TTYH2: variants seen among roughly 807,000 people sequenced by gnomAD.
The protein encoded by TTYH2 is tweety family member 2.
A neutral mutation model predicts 68.3 loss-of-function variants in TTYH2; 49 were observed. That is an observed-to-expected ratio of 0.72 (90% CI 0.57 to 0.91). The LOEUF is 0.91. TTYH2 is among the 40% of genes least tolerant of loss of function. The pLI, the probability that TTYH2 is intolerant of heterozygous loss-of-function variation, is 0.00. For synonymous variants in TTYH2, 272 were observed against 300.8 expected (o/e 0.90, Z 0.99); for missense variants, 631 against 700.4 (o/e 0.90, Z 1.12).
Position 74,213,598 on chromosome 17 carries a change from C to T in TTYH2, c.11C>T (p.Ala4Val). 6.2e-7 allele frequency: 1 copy of T among 1,610,430 alleles called. No homozygotes were observed. The highest frequency in any genetic ancestry group is 8.5e-7 in the Non-Finnish European group (1 of 1,178,878). The change falls in exon 1 of 14, where the codon GCG becomes GTG. Residue 4 changes from alanine (A) to valine (V), a missense_variant. Physicochemically the swap from Ala to Val is moderately conservative, Grantham distance 64. Coordinates refer to ENST00000269346, the MANE Select transcript of TTYH2 (RefSeq NM_032646.6). The surrounding 1 kb of genome is among the most constrained non-coding windows in gnomAD (Gnocchi z 6.1). ...CACTCGGGCCGAGCCATGCAGGCGG[C>T]GCGCGTGGACTACATCGCTCCCTGG... MQAARVDYIAPWWV... is the reference protein window; with the variant it reads MQAVRVDYIAPWWV...
In TTYH2 at chr17:74,241,922, A is replaced by T. The variant is rs1342768962; in HGVS notation, c.636-1452A>T. Among the ~76,000 whole-genome samples, 1 of 152,188 alleles carries T rather than the reference A, an allele frequency of 6.6e-6. No individual in the cohort carries two copies. The highest frequency in any genetic ancestry group is 1.5e-5 in the Non-Finnish European group (1 of 68,034). On this transcript the variant is annotated intron_variant, in intron 4 of 13. Coordinates refer to ENST00000269346, the MANE Select transcript of TTYH2 (RefSeq NM_032646.6). The surrounding 1 kb of genome is among the most constrained non-coding windows in gnomAD (Gnocchi z 4.1). ...GTGTGGAAGGGAAAGGAACGAGGGC[A>T]CTTTGTTTGGGGTCTTCTCAGTGTC... is the stretch of plus-strand genomic sequence containing the variant.
At chr17:74,250,641 C>T in intron 10 of TTYH2, 1 of 346,504 alleles carries the variant, frequency 2.9e-6, no homozygotes, top group Admixed American at 4.4e-5. Flanking sequence ...GAGGCTGTTC[C>T]CCATTGTCCA....
chr17:74,219,178 C>T (rs943221527), intron 1 of TTYH2, among the ~76,000 whole-genome samples: 2 of 150,594 alleles, frequency 1.3e-5, no homozygotes, highest in Non-Finnish European at 2.9e-5. Context: ...GATCACGCTG[C>T]TGCACTCCAG....
intron 3 of TTYH2, 75 bp downstream of exon 3, chr17:74,231,074 C>A: frequency 7.4e-7 from 1 of 1,345,598 alleles, no homozygotes; most frequent in Admixed American, 1.7e-5. Context: ...GGGCCCCCGT[C>A]AGATCCCAGC....
rs1460786091 is a variant in TTYH2, at chr17:74,217,734, C to A, written c.129+4018C>A. 6.6e-6 allele frequency among the ~76,000 whole-genome samples: 1 copy of A among 152,206 alleles called. No homozygotes were observed. The highest frequency in any genetic ancestry group is 1.5e-5 in the Non-Finnish European group (1 of 68,038). ...TGTCTTCTGGGGCCAGGGCTGTTGC[C>A]CCCTCCCCTGCCCAGTGCAGAAGCC... is the stretch of plus-strand genomic sequence containing the variant. On this transcript the variant is annotated intron_variant, in intron 1 of 13. Coordinates refer to ENST00000269346, the MANE Select transcript of TTYH2 (RefSeq NM_032646.6). The surrounding 1 kb of genome is among the most constrained non-coding windows in gnomAD (Gnocchi z 4.0).
rs148777017 is a variant in TTYH2 at position 74,253,774 on chromosome 17, G to T, written c.1465G>T (p.Gly489Cys). 145 of 1,614,134 alleles carry T rather than the reference G, an allele frequency of 9.0e-5. 1 individual carries two copies. In the African/African-American group the frequency reaches 1.6e-3, roughly 18 times the overall value. Reference sequence around the variant, plus strand: ...CCGCAGGAACCAAGCCATGCTCTTTGGTAGGAACCCACGCTACGAGAACGT... The same window carrying T: ...CCGCAGGAACCAAGCCATGCTCTTTTGTAGGAACCCACGCTACGAGAACGT... The part of the protein sequence containing the change: ...SEYMNQAMLF[G>C]RNPRYENVPL... Residue 489 changes from glycine to cysteine, a missense_variant, in exon 13 of 14, where the codon GGT (glycine) becomes TGT (cysteine). Physicochemically the swap from Gly to Cys is radical, Grantham distance 159. Coordinates refer to ENST00000269346, the MANE Select transcript of TTYH2 (RefSeq NM_032646.6).
At chr17:74,249,318 C>G in intron 7 of TTYH2, 26 bp from the exon 8 acceptor site, 1 of 1,614,064 alleles carries the variant, frequency 6.2e-7, no homozygotes. Context: ...TTGTGAGCTG[C>G]CTAACGTTAT....
At chr17:74,252,970 A>G (rs2050650842) in intron 11 of TTYH2, 111 bp from the exon 12 acceptor site, 4 of 1,129,662 alleles carry the variant, frequency 3.5e-6, no homozygotes, top group Non-Finnish European at 5.2e-6. Flanking sequence ...TCAAGGAGAC[A>G]CGCGTGGCCA....
intron 1 of TTYH2, among the ~76,000 whole-genome samples, chr17:74,218,128 G>A (rs1040094075): frequency 1.4e-5 from 2 of 143,848 alleles, no homozygotes; most frequent in Non-Finnish European, 3.1e-5. Context: ...TGCCCATTAG[G>A]AGCAGCAGGT....
intron 13 of TTYH2, among the ~76,000 whole-genome samples, chr17:74,255,778 G>A (rs754353834): frequency 6.6e-6 from 1 of 152,200 alleles, no homozygotes; most frequent in African/African-American, 2.4e-5. Context: ...GGAATGAAAG[G>A]CCAGAAGTCT....
chr17:74,225,560 A>T (rs1021566877), intron 2 of TTYH2, among the ~76,000 whole-genome samples: 5 of 152,196 alleles, frequency 3.3e-5, no homozygotes, highest in Admixed American at 6.5e-5. Context: ...GTGACCGAAG[A>T]GCTCAGAGGC....
intron 1 of TTYH2, among the ~76,000 whole-genome samples, chr17:74,221,597 G>A (rs1386426124): frequency 6.6e-6 from 1 of 152,194 alleles, no homozygotes; most frequent in African/African-American, 2.4e-5. Flanking sequence ...CCTGGCTGGC[G>A]GCCGCCAATC....
intron 13 of TTYH2, among the ~76,000 whole-genome samples, chr17:74,254,167 CTTTA>C (rs754823416): frequency 2.2e-5 from 3 of 136,666 alleles, no homozygotes; most frequent in African/African-American, 8.7e-5. Flanking sequence ...AAGTAATTGC[CTTTA>C]TTTATTTATT....
intron 11 of TTYH2, among the ~76,000 whole-genome samples, chr17:74,252,605 A>C (rs1249867898): frequency 6.6e-6 from 1 of 152,270 alleles, no homozygotes; most frequent in African/African-American, 2.4e-5. Context: ...GCTGGGGCCC[A>C]GGGTGGTGAC....
At chr17:74,242,223 A>C (rs1455955507) in intron 4 of TTYH2, among the ~76,000 whole-genome samples, 16 of 152,200 alleles carry the variant, frequency 1.1e-4, no homozygotes, top group East Asian at 1.9e-4. Context: ...CAGAGGAATG[A>C]AGGGCTTGGA....
In TTYH2 at chr17:74,237,412, C is replaced by T. The variant is rs572307412; in HGVS notation, c.533C>T (p.Ala178Val). 1.1e-5 allele frequency: 18 copies of T among 1,614,100 alleles called. 1 individual carries two copies. In the South Asian group the frequency reaches 1.3e-4, roughly 12 times the overall value. Residue 178 changes from alanine (A) to valine (V), a missense_variant, in exon 4 of 14, where the codon GCG (alanine) becomes GTG (valine). By Grantham distance (64) the Ala-to-Val change is moderately conservative. Coordinates refer to ENST00000269346, the MANE Select transcript of TTYH2 (RefSeq NM_032646.6). Reference sequence around the variant, plus strand: ...ACCCTGAAGTTCATACAGCAGATGGCGGGCAGCGTTGTTGTTCAGCTCTCA... The same window carrying T: ...ACCCTGAAGTTCATACAGCAGATGGTGGGCAGCGTTGTTGTTCAGCTCTCA... ...LQTLKFIQQM[A>V]GSVVVQLSGL...
rs1046170973 is a variant in TTYH2, at chr17:74,240,149, C to T, written c.635+2635C>T. Among the ~76,000 whole-genome samples the T allele has an allele frequency of 3.3e-5, 5 of 152,116 alleles. 1 individual carries two copies. The highest frequency in any genetic ancestry group is 7.4e-5 in the Non-Finnish European group (5 of 68,014). ...CATCCCCAACTCCCCACTGCTTATT[C>T]GGGTTGAGGCAGAAGAGGTTTGGCT... On this transcript the variant is annotated intron_variant, in intron 4 of 13. Coordinates refer to ENST00000269346, the MANE Select transcript of TTYH2 (RefSeq NM_032646.6).
chr17:74,227,761 G>GT (rs11322399), intron 2 of TTYH2, among the ~76,000 whole-genome samples: 107 of 136,758 alleles, frequency 7.8e-4, no homozygotes, highest in East Asian at 4.6e-3. Context: ...TTTTTTTTTT[G>GT]TTTTTTTTTT....
Position 74,213,665 on chromosome 17 carries a change from C to A in TTYH2, c.78C>A (p.Arg26=), listed in dbSNP as rs769012169. ...ACAGCGTCCCGCACGTCGGCCTGCG[C>A]CTGCAGCCCGTGAACAGCACCTTCA... is the stretch of plus-strand genomic sequence containing the variant. ...WLHSVPHVGL[R]LQPVNSTFSP... is the part of the protein sequence containing the mutation. The change falls in exon 1 of 14, where the codon CGC becomes CGA. Residue 26 remains arginine (R), a synonymous_variant. Transcript: ENST00000269346. This position sits in a 1 kb window ranked among gnomAD's most constrained non-coding sequence, Gnocchi z 6.1. 1.2e-6 allele frequency: 2 copies of A among 1,612,706 alleles called. No individual in the cohort carries two copies. Among genetic ancestry groups the A allele is most frequent in the Middle Eastern group, 1.7e-4 (1 of 6,050 alleles).
Sources: allele counts gnomAD v4.1 joint callset (sites outside exome capture counted in the v4.1 genomes callset), GRCh38; gene constraint gnomAD v4.1.1; non-coding constraint Gnocchi (gnomAD v3.1); transcripts MANE v1.5; gene names NCBI Gene and HGNC (gene_info 2026-07-23, HGNC 2026-07-21).